TRPC4AP: variants seen among roughly 807,000 people sequenced by gnomAD.
TRPC4AP encodes transient receptor potential cation channel subfamily C member 4 associated protein, also known as short transient receptor potential channel 4-associated protein.
TRPC4AP carries 45 observed loss-of-function variants against 99.0 expected under a neutral mutation model. The ratio of observed to expected loss-of-function variants is 0.45; its 90% CI spans 0.36 to 0.58. TRPC4AP has a LOEUF of 0.58. Ranked by LOEUF, TRPC4AP falls within the 20% of genes least tolerant of loss-of-function variation. The probability of loss-of-function intolerance (pLI) is 0.00; values close to 1 mark genes in which losing one functional copy is unlikely to be tolerated. For missense variants in TRPC4AP, 879 were observed against 985.3 expected (o/e 0.89, Z 1.44); for synonymous variants, 408 against 385.8 (o/e 1.06, Z -0.67).
chr20:35,002,981 C>T lies in TRPC4AP; in HGVS notation c.*165G>A, dbSNP rs1416883853. ...CTCCATGACCTAGGGCCCTCAGACC[C>T]AGGGGGACCAAGGGCTTCTAGGACT... On this transcript the variant is annotated 3_prime_UTR_variant, in exon 19 of 19. Coordinates refer to ENST00000252015, the MANE Select transcript of TRPC4AP (RefSeq NM_015638.3). 22 of 947,990 alleles carry T rather than the reference C, an allele frequency of 2.3e-5. No homozygotes were observed. The highest frequency in any genetic ancestry group is 2.8e-5 in the Non-Finnish European group (18 of 643,294). The allele number at this position is 947,990 out of a possible 1,614,324, so 58.7% of individuals were successfully genotyped here.
intron 10 of TRPC4AP, 44 bp downstream of exon 10, chr20:35,015,964 C>T (rs756214347): frequency 3.7e-6 from 6 of 1,612,030 alleles, no homozygotes; most frequent in Middle Eastern, 1.7e-4. Context: ...ACAACTACTC[C>T]AAGCCAGTGA....
chr20:35,042,476 G>A (rs1360760079), intron 7 of TRPC4AP, among the ~76,000 whole-genome samples: 2 of 152,244 alleles, frequency 1.3e-5, no homozygotes, highest in East Asian at 3.9e-4. Flanking sequence ...CTGGACTTTA[G>A]AAACAAAGAA....
intron 6 of TRPC4AP, among the ~76,000 whole-genome samples, chr20:35,045,652 C>A (rs2083544200): frequency 6.6e-6 from 1 of 152,108 alleles, no homozygotes; most frequent in South Asian, 2.1e-4. Flanking sequence ...GATTCTCCTG[C>A]CTCAGCCTCC....
intron 7 of TRPC4AP, among the ~76,000 whole-genome samples, chr20:35,037,227 G>C (rs990458684): frequency 2.0e-5 from 3 of 151,620 alleles, no homozygotes; most frequent in African/African-American, 7.3e-5. Flanking sequence ...GGCGCCTGTA[G>C]TCCCAGCTAC....
intron 14 of TRPC4AP, 147 bp from the exon 15 acceptor site, chr20:35,006,722 T>C (rs901285548): frequency 8.8e-7 from 1 of 1,132,154 alleles, no homozygotes; most frequent in Non-Finnish European, 1.2e-6. Context: ...AGGATGCTGG[T>C]GGCTCCAAGG....
intron 2 of TRPC4AP, among the ~76,000 whole-genome samples, chr20:35,072,640 T>TA (rs2084349237): frequency 6.6e-6 from 1 of 152,206 alleles, no homozygotes; most frequent in Non-Finnish European, 1.5e-5. Flanking sequence ...CACTGGTCTA[T>TA]ATCTCTGTTT....
At chr20:35,030,241 C>CA (rs572401085) in intron 8 of TRPC4AP, 64,129 of 111,262 alleles carry the variant, frequency 0.58, 18,994 homozygotes, top group Admixed American at 0.71. Context: ...AACTCCATAT[C>CA]AAAAAAAAAA....
At position 35,035,025 on chromosome 20, in the gene TRPC4AP, C is replaced by A. The variant is rs1164966992; in HGVS notation, c.1051+98G>T. 53 of 1,338,938 alleles carry A rather than the reference C, an allele frequency of 4.0e-5. 1 individual carries two copies. In the Admixed American group the frequency reaches 1.1e-3, roughly 29 times the overall value. 82.9% of individuals were successfully genotyped at this position (1,338,938 alleles called of 1,614,324 possible). On this transcript the variant is annotated intron_variant, in intron 8 of 18. Coordinates refer to ENST00000252015, the MANE Select transcript of TRPC4AP (RefSeq NM_015638.3). ...GCCTTGAGGACAATTCTACTCTGAGCAAATCTCAAATTAATCCTTCTTGGA... is the reference window on the plus strand; with the variant it reads ...GCCTTGAGGACAATTCTACTCTGAGAAAATCTCAAATTAATCCTTCTTGGA...
At position 35,002,861 on chromosome 20, in the gene TRPC4AP, G is replaced by A; in HGVS notation, c.*285C>T. ...CGGCAGGAGCTCACACAGAGCTAAT[G>A]CTAAATGTCCTCTTACCTCTGGGTG... On this transcript the variant is annotated 3_prime_UTR_variant, in exon 19 of 19. Coordinates refer to ENST00000252015, the MANE Select transcript of TRPC4AP (RefSeq NM_015638.3). 2.8e-6 allele frequency: 1 copy of A among 359,838 alleles called. No homozygotes were observed. Among genetic ancestry groups the A allele is most frequent in the Non-Finnish European group, 5.1e-6 (1 of 194,614 alleles). The allele number at this position is 359,838 out of a possible 1,614,324, so 22.3% of individuals were successfully genotyped here. A position where few individuals can be genotyped will look rare whatever the true frequency, so the allele number is the denominator to read the frequency against.
intron 16 of TRPC4AP, among the ~76,000 whole-genome samples, chr20:35,004,880 C>T (rs996095803): frequency 6.6e-6 from 1 of 152,176 alleles, no homozygotes; most frequent in African/African-American, 2.4e-5. Context: ...CAGAAGAGTT[C>T]CCTCCACAGG....
intron 2 of TRPC4AP, among the ~76,000 whole-genome samples, chr20:35,073,086 T>C (rs1356317905): frequency 6.6e-6 from 1 of 152,200 alleles, no homozygotes; most frequent in East Asian, 1.9e-4. Flanking sequence ...TGTCTGTTAT[T>C]GGTGTATAGG....
At chr20:35,049,193 T>G (rs558003180) in intron 6 of TRPC4AP, among the ~76,000 whole-genome samples, 1 of 152,110 alleles carries the variant, frequency 6.6e-6, no homozygotes, top group Admixed American at 6.5e-5. Context: ...GATCTATGAA[T>G]GTATTTTTGG....
chr20:35,082,457 A>G (rs1473975038), intron 1 of TRPC4AP, among the ~76,000 whole-genome samples: 1 of 152,208 alleles, frequency 6.6e-6, no homozygotes, highest in African/African-American at 2.4e-5. Flanking sequence ...AAAATAATAT[A>G]CTTCTCAAAA....
chr20:35,017,170 C>T (rs901575713), intron 9 of TRPC4AP, among the ~76,000 whole-genome samples: 1 of 152,116 alleles, frequency 6.6e-6, no homozygotes, highest in African/African-American at 2.4e-5. Flanking sequence ...GGATACAAGG[C>T]ACCAGTAAAA....
intron 8 of TRPC4AP, 133 bp downstream of exon 8, chr20:35,034,990 G>T: frequency 3.2e-6 from 3 of 925,532 alleles, no homozygotes; most frequent in Non-Finnish European, 4.8e-6. Context: ...AATAGTCATG[G>T]TCTAGAATTG....
At chr20:35,049,339 T>A (rs2083641353) in intron 6 of TRPC4AP, among the ~76,000 whole-genome samples, 1 of 151,976 alleles carries the variant, frequency 6.6e-6, no homozygotes, top group Admixed American at 6.6e-5. Context: ...CCCATTTGTC[T>A]CCTACTGCGC....
chr20:35,019,745 T>A (rs929303360), intron 9 of TRPC4AP, among the ~76,000 whole-genome samples: 2 of 152,198 alleles, frequency 1.3e-5, no homozygotes, highest in African/African-American at 4.8e-5. Flanking sequence ...TAAAAACATG[T>A]TCCGTATTGA....
chr20:35,050,127 A>G (rs2083659385), intron 5 of TRPC4AP, 133 bp from the exon 6 acceptor site: 3 of 978,744 alleles, frequency 3.1e-6, no homozygotes, highest in Non-Finnish European at 4.4e-6. Context: ...CAGGAATGGC[A>G]TGGCTTAACT....
intron 5 of TRPC4AP, among the ~76,000 whole-genome samples, chr20:35,051,033 T>TACAC (rs34091819): frequency 0.1 from 14,780 of 144,858 alleles, 963 homozygotes; most frequent in African/African-American, 0.2. Flanking sequence ...TGCTATAGCT[T>TACAC]ACACACACAC....
Sources: allele counts gnomAD v4.1 joint callset (sites outside exome capture counted in the v4.1 genomes callset), GRCh38; gene constraint gnomAD v4.1.1; transcripts MANE v1.5; gene names NCBI Gene and HGNC (gene_info 2026-07-23, HGNC 2026-07-21).